CFAP299: variants seen among roughly 807,000 people sequenced by gnomAD.
The protein encoded by CFAP299 is cilia- and flagella-associated protein 299.
CFAP299 carries 21 observed loss-of-function variants against 27.0 expected under a neutral mutation model. That is an observed-to-expected ratio of 0.78 (90% CI 0.55 to 1.12). The LOEUF (loss-of-function observed/expected upper bound fraction) is 1.12. CFAP299 is among the 50% of genes most tolerant of loss of function. The probability of loss-of-function intolerance (pLI) is 0.00; values close to 1 mark genes in which losing one functional copy is unlikely to be tolerated. For synonymous variants in CFAP299, 104 were observed against 98.1 expected (o/e 1.06, Z -0.36); for missense variants, 310 against 276.6 (o/e 1.12, Z -0.86).
chr4:80,946,699 T>A (rs191291102), intron 5 of CFAP299, among the ~76,000 whole-genome samples: 2 of 152,296 alleles, frequency 1.3e-5, no homozygotes, highest in Admixed American at 1.3e-4. Context: ...AATGAAGTAC[T>A]GGATCAGAGA....
At chr4:80,545,521 C>T (rs1459596044) in intron 2 of CFAP299, among the ~76,000 whole-genome samples, 3 of 152,010 alleles carry the variant, frequency 2.0e-5, no homozygotes, top group Non-Finnish European at 4.4e-5. Flanking sequence ...GTCCTGGAAA[C>T]ACAAAGCCTC....
At chr4:80,690,208 A>G (rs1228314571) in intron 3 of CFAP299, among the ~76,000 whole-genome samples, 1 of 151,264 alleles carries the variant, frequency 6.6e-6, no homozygotes, top group Non-Finnish European at 1.5e-5. Context: ...AGACATCTAC[A>G]GAACTCTCCA....
chr4:80,717,482 A>G (rs542440722), intron 3 of CFAP299, among the ~76,000 whole-genome samples: 1 of 152,318 alleles, frequency 6.6e-6, no homozygotes, highest in African/African-American at 2.4e-5. Context: ...AGCAGAAATC[A>G]CATATGACTA....
At chr4:80,485,560 G>A (rs777724364) in intron 2 of CFAP299, among the ~76,000 whole-genome samples, 6 of 152,008 alleles carry the variant, frequency 3.9e-5, no homozygotes, top group Admixed American at 2.6e-4. Context: ...TAATACTAAT[G>A]GGATCTTACC....
chr4:80,547,490 C>T (rs369452613), intron 2 of CFAP299, among the ~76,000 whole-genome samples: 1 of 152,092 alleles, frequency 6.6e-6, no homozygotes, highest in South Asian at 2.1e-4. Context: ...ACTAAGTCCT[C>T]AAAAGCAATT....
intron 3 of CFAP299, among the ~76,000 whole-genome samples, chr4:80,597,651 T>C (rs1265185112): frequency 1.3e-5 from 2 of 152,200 alleles, no homozygotes; most frequent in Non-Finnish European, 2.9e-5. Flanking sequence ...GAAGTTTTAT[T>C]GTTTTTATGT....
At chr4:80,468,300 T>C (rs1729812413) in intron 2 of CFAP299, among the ~76,000 whole-genome samples, 1 of 151,552 alleles carries the variant, frequency 6.6e-6, no homozygotes, top group African/African-American at 2.4e-5. Context: ...CTCGGCTCAC[T>C]GCAACCTCTG....
chr4:80,799,683 A>ATATTATATTTTATAAATATAT (rs1313305792), intron 3 of CFAP299, among the ~76,000 whole-genome samples: 1 of 8,696 alleles, frequency 1.1e-4, no homozygotes, highest in African/African-American at 1.9e-4. Flanking sequence ...ATATATTTAT[A>ATATTATATTTTATAAATATAT]AATATATAAT....
At chr4:80,738,361 T>A (rs2110062061) in intron 3 of CFAP299, among the ~76,000 whole-genome samples, 1 of 152,294 alleles carries the variant, frequency 6.6e-6, no homozygotes, top group East Asian at 1.9e-4. Context: ...TATTTGGGTC[T>A]GTGTCTCTCT....
chr4:80,858,417 G>T (rs1273805543), intron 3 of CFAP299, among the ~76,000 whole-genome samples: 3 of 152,002 alleles, frequency 2.0e-5, no homozygotes, highest in African/African-American at 4.8e-5. Context: ...CTTCAGTTCT[G>T]CTCTGATTTT....
At chr4:80,891,753 C>A (rs1578216850) in intron 4 of CFAP299, among the ~76,000 whole-genome samples, 2 of 55,740 alleles carry the variant, frequency 3.6e-5, no homozygotes, top group Admixed American at 2.4e-4. Context: ...TACCCTAAAA[C>A]TTAGAGTATA....
At chr4:80,415,357 T>G (rs1050630024) in intron 2 of CFAP299, among the ~76,000 whole-genome samples, 1 of 152,300 alleles carries the variant, frequency 6.6e-6, no homozygotes, top group South Asian at 2.1e-4. Context: ...AAAAATACTC[T>G]TGTAAACATT....
intron 4 of CFAP299, among the ~76,000 whole-genome samples, chr4:80,920,081 C>G (rs951130362): frequency 2.0e-5 from 3 of 152,106 alleles, no homozygotes; most frequent in Non-Finnish European, 4.4e-5. Flanking sequence ...AAGGATCTCC[C>G]ATTGAAGTTT....
At chr4:80,527,929 C>A (rs1440157361) in intron 2 of CFAP299, among the ~76,000 whole-genome samples, 4 of 152,088 alleles carry the variant, frequency 2.6e-5, no homozygotes, top group Admixed American at 2.6e-4. Flanking sequence ...ATGACATGAT[C>A]TTCACATTAG....
At chr4:80,366,639 G>A (rs1200977723) in intron 2 of CFAP299, among the ~76,000 whole-genome samples, 1 of 152,142 alleles carries the variant, frequency 6.6e-6, no homozygotes, top group Non-Finnish European at 1.5e-5. Context: ...ATGGAAAATG[G>A]AAAACAGTTT....
intron 3 of CFAP299, among the ~76,000 whole-genome samples, chr4:80,692,440 G>A (rs979298190): frequency 2.0e-5 from 3 of 152,134 alleles, no homozygotes; most frequent in African/African-American, 4.8e-5. Context: ...AGCAAGCAAT[G>A]GGGAAAGGAT....
intron 4 of CFAP299, among the ~76,000 whole-genome samples, chr4:80,898,902 C>G (rs1364832315): frequency 6.6e-6 from 1 of 152,140 alleles, no homozygotes; most frequent in Non-Finnish European, 1.5e-5. Context: ...TCAAGAACAG[C>G]TTCTCTAAAG....
intron 3 of CFAP299, among the ~76,000 whole-genome samples, chr4:80,672,068 C>T (rs1741518367): frequency 6.6e-6 from 1 of 152,174 alleles, no homozygotes; most frequent in Non-Finnish European, 1.5e-5. Flanking sequence ...GAGAGGGCAT[C>T]CCTGTCTTGT....
rs1205462729 is a variant in CFAP299 at position 80,388,591 on chromosome 4, A to AG, written c.242+25711dup. The AG allele has an allele frequency of 4.2e-6, 6 of 1,434,292 alleles. No individual in the cohort carries two copies. The Admixed American group carries it at 8.4e-5, about 20-fold the overall frequency. 88.8% of individuals were successfully genotyped at this position (1,434,292 alleles called of 1,614,324 possible). ...CCTCATCATCCAATGGCTGGATAGC[A>AG]GGGGACGCATTGACACTCTGGCCTC... On this transcript the variant is annotated intron_variant, in intron 2 of 5. Coordinates refer to ENST00000358105, the MANE Select transcript of CFAP299 (RefSeq NM_152770.3).
Sources: gnomAD v4.1 joint callset for allele counts (sites outside exome capture counted in the v4.1 genomes callset) on GRCh38, gnomAD v4.1.1 for gene constraint, MANE v1.5 for transcripts, NCBI Gene and HGNC (gene_info 2026-07-23, HGNC 2026-07-21) for gene names.